Variants in ADGRB3 observed in about 807,000 individuals in gnomAD.
The protein encoded by ADGRB3 is brain-specific angiogenesis inhibitor 3.
A neutral mutation model predicts 193.4 loss-of-function variants in ADGRB3; 37 were observed. That is an observed-to-expected ratio of 0.19 (90% CI 0.15 to 0.25). The LOEUF (loss-of-function observed/expected upper bound fraction) is 0.25, where lower values mean the gene tolerates loss of function less well. Ranked by LOEUF, ADGRB3 falls within the 10% of genes least tolerant of loss-of-function variation. ADGRB3 has a pLI of 1.00. For synonymous variants in ADGRB3, 690 were observed against 644.2 expected (o/e 1.07, Z -1.08); for missense variants, 1,637 against 1,852.9 (o/e 0.88, Z 2.14).
At chr6:69,356,724 T>C (rs1259396338) in intron 28 of ADGRB3, among the ~76,000 whole-genome samples, 2 of 152,150 alleles carry the variant, frequency 1.3e-5, no homozygotes, top group Admixed American at 6.6e-5. Flanking sequence ...ATTGTCTGTA[T>C]GTGTATTAAG....
rs200386736 is a variant in ADGRB3 at position 68,943,886 on chromosome 6, C to T, written c.1087C>T (p.Arg363Ter). The T allele has an allele frequency of 6.2e-7, 1 of 1,613,566 alleles. No individual in the cohort carries two copies. The highest frequency in any genetic ancestry group is 8.5e-7 in the Non-Finnish European group (1 of 1,179,798). Reference protein sequence around the residue: ...PWSLCSFTCGRGQRTRTRSCT... With the variant: ...PWSLCSFTCG ...GAGTTTATGTTCATTTACATGTGGT[C>T]GAGGCCAAAGAACAAGAACAAGGTC... is the stretch of plus-strand genomic sequence containing the variant. The change falls in exon 6 of 32, where the codon CGA (arginine) becomes TGA (stop). Residue 363 changes from arginine (R) to a stop codon, truncating the protein, a stop_gained. Coordinates refer to ENST00000370598, the MANE Select transcript of ADGRB3 (RefSeq NM_001704.3). LOFTEE classifies it high-confidence loss of function.
intron 17 of ADGRB3, among the ~76,000 whole-genome samples, chr6:69,103,335 C>A (rs1270186778): frequency 6.6e-6 from 1 of 152,096 alleles, no homozygotes; most frequent in African/African-American, 2.4e-5. Context: ...AAGAGAAGCT[C>A]ATTTTCATCA....
intron 11 of ADGRB3, among the ~76,000 whole-genome samples, chr6:69,001,192 A>G (rs903765562): frequency 6.6e-6 from 1 of 152,246 alleles, no homozygotes; most frequent in Admixed American, 6.5e-5. Context: ...CTGGAGAAGC[A>G]AGTTAGGTAC....
At chr6:68,946,200 T>C (rs1261207730) in intron 6 of ADGRB3, among the ~76,000 whole-genome samples, 1 of 152,132 alleles carries the variant, frequency 6.6e-6, no homozygotes, top group African/African-American at 2.4e-5. Flanking sequence ...TAGGATTTTT[T>C]TAAGTTTCCA....
chr6:69,279,526 A>G (rs996851402), intron 20 of ADGRB3, among the ~76,000 whole-genome samples: 4 of 151,896 alleles, frequency 2.6e-5, no homozygotes, highest in African/African-American at 9.7e-5. Context: ...TACATTTAAA[A>G]TTTTACTTCA....
At chr6:68,772,888 A>AT (rs1554191345) in intron 3 of ADGRB3, among the ~76,000 whole-genome samples, 2 of 51,934 alleles carry the variant, frequency 3.9e-5, no homozygotes, top group Non-Finnish European at 6.6e-5. Context: ...CAAACAAAAA[A>AT]AAAAAAATAT....
chr6:69,069,177 C>T (rs1771997983), intron 16 of ADGRB3, among the ~76,000 whole-genome samples: 1 of 152,036 alleles, frequency 6.6e-6, no homozygotes, highest in Non-Finnish European at 1.5e-5. Context: ...CTTATCATAA[C>T]TTTGAGAACA....
At chr6:68,946,447 G>C (rs546404577) in intron 6 of ADGRB3, among the ~76,000 whole-genome samples, 1 of 152,120 alleles carries the variant, frequency 6.6e-6, no homozygotes, top group South Asian at 2.1e-4. Flanking sequence ...CATATGCAAA[G>C]TTGAATGCAC....
chr6:68,757,133 T>C (rs984225211), intron 3 of ADGRB3, among the ~76,000 whole-genome samples: 7 of 152,226 alleles, frequency 4.6e-5, no homozygotes, highest in Non-Finnish European at 8.8e-5. Flanking sequence ...ATCCCTCCTG[T>C]TCTTTTCTGT....
intron 16 of ADGRB3, among the ~76,000 whole-genome samples, chr6:69,074,369 T>C (rs1772165250): frequency 6.6e-6 from 1 of 152,018 alleles, no homozygotes; most frequent in South Asian, 2.1e-4. Context: ...AAGGCACACC[T>C]CCAAAAGAGC....
At chr6:68,932,691 A>C (rs755687734) in intron 4 of ADGRB3, among the ~76,000 whole-genome samples, 2 of 151,922 alleles carry the variant, frequency 1.3e-5, no homozygotes, top group Non-Finnish European at 2.9e-5. Flanking sequence ...TTACTTATAA[A>C]AGTGTTCCCT....
chr6:68,996,460 G>A (rs1769386143), intron 11 of ADGRB3, among the ~76,000 whole-genome samples: 1 of 152,148 alleles, frequency 6.6e-6, no homozygotes, highest in African/African-American at 2.4e-5. Context: ...CTTCCCGAAT[G>A]ACAACTTGAA....
At chr6:68,768,299 G>A (rs941403222) in intron 3 of ADGRB3, among the ~76,000 whole-genome samples, 3 of 152,056 alleles carry the variant, frequency 2.0e-5, no homozygotes, top group Admixed American at 2.0e-4. Context: ...TATACTATAA[G>A]ACAACAGTAA....
At position 68,986,252 on chromosome 6, in the gene ADGRB3, T is replaced by C. The variant is rs566743956; in HGVS notation, c.1735-7516T>C. Reference sequence around the variant, plus strand: ...ATTTTCAGTTCTCAAATTCATGCTGTCCAATCTCTCACTTCAGATATTCCT... The same window carrying C: ...ATTTTCAGTTCTCAAATTCATGCTGCCCAATCTCTCACTTCAGATATTCCT... On this transcript the variant is annotated intron_variant, in intron 10 of 31. Transcript: ENST00000370598. Among the ~76,000 whole-genome samples the C allele has an allele frequency of 2.0e-5, 3 of 152,262 alleles. No individual in the cohort carries two copies. The South Asian group carries it at 6.2e-4, about 32-fold the overall frequency.
intron 8 of ADGRB3, among the ~76,000 whole-genome samples, chr6:68,957,545 G>T (rs1367332693): frequency 1.3e-5 from 2 of 152,134 alleles, no homozygotes; most frequent in African/African-American, 4.8e-5. Context: ...TAGTGCCAAC[G>T]TGCTGAACCT....
At chr6:68,883,416 G>C (rs62416400) in intron 3 of ADGRB3, among the ~76,000 whole-genome samples, 14,218 of 152,188 alleles carry the variant, frequency 0.093, 873 homozygotes, top group Non-Finnish European at 0.13. Flanking sequence ...CGGCAATCAG[G>C]TTGCGTCTCC....
chr6:69,363,010 A>G (rs1021017348), intron 29 of ADGRB3, among the ~76,000 whole-genome samples: 1 of 152,040 alleles, frequency 6.6e-6, no homozygotes, highest in Non-Finnish European at 1.5e-5. Flanking sequence ...AGGGGGTTGA[A>G]TGGAACTGCA....
At position 68,767,055 on chromosome 6, in the gene ADGRB3, A is replaced by G. The variant is rs538153089; in HGVS notation, c.757+127623A>G. 3.9e-5 allele frequency among the ~76,000 whole-genome samples: 6 copies of G among 152,162 alleles called. No homozygotes were observed. In the East Asian group the frequency reaches 1.2e-3, roughly 29 times the overall value. The stretch of plus-strand genomic sequence containing the variant: ...TTTCTCTATATTTTTTATATACTTT[A>G]TAACTCCAGACTTCCATTAAAATAA... On this transcript the variant is annotated intron_variant, in intron 3 of 31. Transcript: ENST00000370598.
intron 3 of ADGRB3, among the ~76,000 whole-genome samples, 178 bp downstream of exon 3, chr6:68,639,610 TAGAG>T (rs757188964): frequency 1.4e-4 from 21 of 152,288 alleles, no homozygotes; most frequent in African/African-American, 4.6e-4. Context: ...TTCAAGGTTT[TAGAG>T]AGGGCGGTGA....
Sources: allele counts gnomAD v4.1 joint callset (sites outside exome capture counted in the v4.1 genomes callset), GRCh38; gene constraint gnomAD v4.1.1; transcripts MANE v1.5; gene names NCBI Gene and HGNC (gene_info 2026-07-23, HGNC 2026-07-21).